The following KLF12 variants were observed in gnomAD, a reference collection of about 807,000 sequenced individuals.
KLF12 encodes KLF transcription factor 12, also known as Krueppel-like factor 12.
Under a neutral mutation model 37.8 loss-of-function variants are expected in KLF12, and 9 were observed. The ratio of observed to expected loss-of-function variants is 0.24; its 90% CI spans 0.14 to 0.42. KLF12 has a LOEUF of 0.42. Among genes scored for constraint, KLF12 ranks in the 10% least tolerant of loss-of-function variants. The pLI is 1.00. For synonymous variants in KLF12, 208 were observed against 202.1 expected (o/e 1.03, Z -0.25); for missense variants, 411 against 516.0 (o/e 0.80, Z 1.97).
At chr13:74,088,128 C>T (rs181372915) in intron 1 of KLF12, among the ~76,000 whole-genome samples, 25 of 152,244 alleles carry the variant, frequency 1.6e-4, no homozygotes, top group African/African-American at 5.3e-4. Context: ...ACTCCACAAA[C>T]CATGGTGAGC....
the KLF12 span, among the ~76,000 whole-genome samples, chr13:74,248,418 G>C: frequency 1.3e-5 from 2 of 152,242 alleles, no homozygotes; most frequent in South Asian, 4.1e-4. Flanking sequence ...TTTGGCAAAG[G>C]TGGAGACGTT....
At chr13:73,872,479 A>T (rs1179151854) in intron 3 of KLF12, among the ~76,000 whole-genome samples, 1 of 152,162 alleles carries the variant, frequency 6.6e-6, no homozygotes, top group Non-Finnish European at 1.5e-5. Flanking sequence ...AAGGTGGGTG[A>T]CCCCTCACAT....
intron 1 of KLF12, among the ~76,000 whole-genome samples, chr13:74,118,491 T>A (rs1474170542): frequency 6.6e-6 from 1 of 152,208 alleles, no homozygotes; most frequent in East Asian, 1.9e-4. Context: ...AAAGGAAATC[T>A]GGTTTCCTCT....
At chr13:74,294,040 C>T in the KLF12 span, among the ~76,000 whole-genome samples, 5 of 152,120 alleles carry the variant, frequency 3.3e-5, no homozygotes, top group Non-Finnish European at 7.4e-5. Flanking sequence ...ATCACTAAGC[C>T]GTCAAAGGGA....
At chr13:74,112,201 CATCTGTGTGT>C (rs776450558) in intron 1 of KLF12, among the ~76,000 whole-genome samples, 13 of 95,298 alleles carry the variant, frequency 1.4e-4, no homozygotes, top group Non-Finnish European at 3.6e-4. Context: ...TGTGTGTGTG[CATCTGTGTGT>C]GTGTGTGTGT....
At chr13:74,026,118 C>T (rs1334770530) in intron 1 of KLF12, among the ~76,000 whole-genome samples, 1 of 146,666 alleles carries the variant, frequency 6.8e-6, no homozygotes, top group Non-Finnish European at 1.5e-5. Context: ...ACATGGATTG[C>T]AAATTCATTA....
chr13:74,134,474 C>G (rs1313647630), upstream of KLF12, among the ~76,000 whole-genome samples: 1 of 152,034 alleles, frequency 6.6e-6, no homozygotes, highest in Non-Finnish European at 1.5e-5. Flanking sequence ...CACCCACTGC[C>G]CGGCCCTCGC....
chr13:73,926,450 A>G (rs1889380451), intron 3 of KLF12, among the ~76,000 whole-genome samples: 1 of 152,346 alleles, frequency 6.6e-6, no homozygotes, highest in Admixed American at 6.5e-5. Context: ...TGCACACTTA[A>G]TAGAATACAG....
chr13:73,829,675 A>T (rs1231077801), intron 4 of KLF12, among the ~76,000 whole-genome samples: 1 of 151,990 alleles, frequency 6.6e-6, no homozygotes, highest in Non-Finnish European at 1.5e-5. Flanking sequence ...AGGCCTCTGC[A>T]AATTCTGACT....
At chr13:73,986,694 T>C (rs959964999) in intron 2 of KLF12, among the ~76,000 whole-genome samples, 2 of 152,098 alleles carry the variant, frequency 1.3e-5, no homozygotes, top group Admixed American at 1.3e-4. Context: ...GTAATCACAA[T>C]AGTCCTTAAA....
chr13:73,830,488 T>G (rs181759662), intron 4 of KLF12, among the ~76,000 whole-genome samples: 1 of 152,236 alleles, frequency 6.6e-6, no homozygotes, highest in Non-Finnish European at 1.5e-5. Context: ...TTTTCCAATT[T>G]TGAAGAAGGC....
At chr13:73,804,474 G>T (rs929470357) in intron 5 of KLF12, among the ~76,000 whole-genome samples, 1 of 151,878 alleles carries the variant, frequency 6.6e-6, no homozygotes, top group Non-Finnish European at 1.5e-5. Context: ...TCCCACCACA[G>T]CAGATAAAAA....
At chr13:74,233,555 C>T in the KLF12 span, among the ~76,000 whole-genome samples, 1 of 152,160 alleles carries the variant, frequency 6.6e-6, no homozygotes, top group Non-Finnish European at 1.5e-5. Flanking sequence ...TTTCTAATTA[C>T]ACATTGTAGT....
At chr13:73,976,610 C>T (rs1002277811) in intron 2 of KLF12, among the ~76,000 whole-genome samples, 3 of 152,156 alleles carry the variant, frequency 2.0e-5, no homozygotes, top group Non-Finnish European at 2.9e-5. Context: ...CTTTGCAGAA[C>T]TCTTGATCAT....
At chr13:74,161,068 C>CTTTTT in the KLF12 span, among the ~76,000 whole-genome samples, 1 of 139,494 alleles carries the variant, frequency 7.2e-6, no homozygotes. Context: ...TCAGGAGAGT[C>CTTTTT]TTTTTTTTTT....
At chr13:74,002,954 T>G (rs1029590015) in intron 1 of KLF12, among the ~76,000 whole-genome samples, 1 of 152,206 alleles carries the variant, frequency 6.6e-6, no homozygotes, top group East Asian at 1.9e-4. Flanking sequence ...GACATAATTA[T>G]AACACTAATA....
At chr13:74,092,204 G>A (rs1875708618) in intron 1 of KLF12, among the ~76,000 whole-genome samples, 1 of 151,104 alleles carries the variant, frequency 6.6e-6, no homozygotes, top group African/African-American at 2.4e-5. Flanking sequence ...GGCTGAGGCA[G>A]GAGAATCACT....
the KLF12 span, among the ~76,000 whole-genome samples, chr13:74,252,482 C>T: frequency 6.6e-5 from 10 of 152,310 alleles, no homozygotes; most frequent in East Asian, 1.9e-3. Context: ...TCACTAACTG[C>T]CTCTACAACC....
the KLF12 span, among the ~76,000 whole-genome samples, chr13:74,249,613 T>G: frequency 6.6e-6 from 1 of 152,190 alleles, no homozygotes; most frequent in African/African-American, 2.4e-5. Context: ...TTTTAAAATT[T>G]GGTTTTCATT....
Sources: gnomAD v4.1 joint callset for allele counts (sites outside exome capture counted in the v4.1 genomes callset) on GRCh38, gnomAD v4.1.1 for gene constraint, MANE v1.5 for transcripts, NCBI Gene and HGNC (gene_info 2026-07-23, HGNC 2026-07-21) for gene names.